The following OSBPL2 variants were observed in gnomAD, a reference collection of about 807,000 sequenced individuals.
The protein encoded by OSBPL2 is oxysterol-binding protein-related protein 2.
In OSBPL2, 18 loss-of-function variants were observed where a neutral mutation model predicts 58.4. The ratio of observed to expected loss-of-function variants is 0.31; its 90% CI spans 0.21 to 0.46. OSBPL2 has a LOEUF of 0.46. OSBPL2 is among the 20% of genes least tolerant of loss of function. The pLI, the probability that OSBPL2 is intolerant of heterozygous loss-of-function variation, is 1.00. For synonymous variants in OSBPL2, 221 were observed against 234.1 expected (o/e 0.94, Z 0.51); for missense variants, 461 against 616.5 (o/e 0.75, Z 2.67).
intron 8 of OSBPL2, chr20:62,281,482 C>T (rs903650046): frequency 2.0e-6 from 1 of 501,760 alleles, no homozygotes; most frequent in African/African-American, 1.9e-5. Context: ...GCTTGAATGC[C>T]CTATTCCTGG....
rs1039053010 is a variant in OSBPL2 at position 62,269,318 on chromosome 20, G to A, written c.259-2807G>A. On this transcript the variant is annotated intron_variant, in intron 4 of 13. Coordinates refer to ENST00000313733, the MANE Select transcript of OSBPL2 (RefSeq NM_144498.4). This position sits in a 1 kb window ranked among gnomAD's most constrained non-coding sequence, Gnocchi z 4.2. Reference sequence around the variant, plus strand: ...TTTCTGATCTTTCATGGATCCAGCCGTGCGGCAGCAAAGAGCCCTGCATGT... The same window carrying A: ...TTTCTGATCTTTCATGGATCCAGCCATGCGGCAGCAAAGAGCCCTGCATGT... Among the ~76,000 whole-genome samples the A allele has an allele frequency of 6.6e-6, 1 of 152,178 alleles. No homozygotes were observed. The highest frequency in any genetic ancestry group is 1.5e-5 in the Non-Finnish European group (1 of 68,028).
At chr20:62,265,151 A>AT (rs1334125471) in intron 4 of OSBPL2, among the ~76,000 whole-genome samples, 1 of 151,948 alleles carries the variant, frequency 6.6e-6, no homozygotes, top group Admixed American at 6.6e-5. Context: ...TCTAATGGAG[A>AT]TTTTCCATTC....
chr20:62,253,904 G>A lies in OSBPL2; in HGVS notation c.-128-2153G>A, dbSNP rs779701438. On this transcript the variant is annotated intron_variant, in intron 1 of 13. Transcript: ENST00000313733. ...CCTCCCGGGTTCAAGCGATTCACCT[G>A]TCTCAGCCTCCCAAGTAGCTGGGAT... 8.9e-4 allele frequency among the ~76,000 whole-genome samples: 136 copies of A among 152,106 alleles called. 1 individual carries two copies. The highest frequency in any genetic ancestry group is 1.4e-3 in the Non-Finnish European group (94 of 68,026).
At chr20:62,257,102 G>A (rs539491367) in intron 2 of OSBPL2, among the ~76,000 whole-genome samples, 22 of 152,330 alleles carry the variant, frequency 1.4e-4, no homozygotes, top group African/African-American at 3.6e-4. Context: ...GCACTTCTGC[G>A]GTTACTGCCG....
At chr20:62,249,066 C>T (rs1980348472) in intron 1 of OSBPL2, among the ~76,000 whole-genome samples, 1 of 152,096 alleles carries the variant, frequency 6.6e-6, no homozygotes, top group South Asian at 2.1e-4. Context: ...AGTGGTAGGA[C>T]ATTTTGAGAT....
At chr20:62,281,933 TAGA>T in intron 9 of OSBPL2, 54 bp downstream of exon 9, 1 of 1,237,162 alleles carries the variant, frequency 8.1e-7, no homozygotes, top group Non-Finnish European at 1.2e-6. Context: ...GTGTCCACGT[TAGA>T]AGGGCTCAGG....
intron 1 of OSBPL2, among the ~76,000 whole-genome samples, chr20:62,251,248 G>A (rs927760869): frequency 4.0e-5 from 6 of 151,124 alleles, no homozygotes; most frequent in Non-Finnish European, 7.4e-5. Flanking sequence ...TAGAGACAGG[G>A]TTTCACTGTG....
intron 1 of OSBPL2, among the ~76,000 whole-genome samples, chr20:62,243,822 AT>A (rs898875327): frequency 2.7e-5 from 4 of 148,152 alleles, no homozygotes; most frequent in Non-Finnish European, 5.9e-5. Flanking sequence ...TGAACGAAAA[AT>A]TTTTTTTCCT....
intron 1 of OSBPL2, among the ~76,000 whole-genome samples, chr20:62,245,570 C>T (rs1381881240): frequency 1.3e-5 from 2 of 152,206 alleles, no homozygotes; most frequent in Non-Finnish European, 2.9e-5. Context: ...CTCAGAAGGG[C>T]TGTCTCCTGG....
chr20:62,277,740 C>T (rs1169638600), intron 6 of OSBPL2, among the ~76,000 whole-genome samples: 2 of 152,132 alleles, frequency 1.3e-5, no homozygotes, highest in Non-Finnish European at 2.9e-5. Context: ...AATTCTGATT[C>T]CAGTTAAGTT....
intron 2 of OSBPL2, among the ~76,000 whole-genome samples, chr20:62,258,193 A>T (rs1981059759): frequency 6.6e-6 from 1 of 152,182 alleles, no homozygotes; most frequent in African/African-American, 2.4e-5. Flanking sequence ...GAAGGGACAG[A>T]CATCTAGGTG....
intron 1 of OSBPL2, among the ~76,000 whole-genome samples, chr20:62,251,554 A>G (rs1031207429): frequency 2.0e-5 from 3 of 151,884 alleles, no homozygotes. Flanking sequence ...TATTACAGGC[A>G]TGCGCCACCA....
At chr20:62,280,384 A>G (rs903334812) in intron 7 of OSBPL2, among the ~76,000 whole-genome samples, 1 of 152,200 alleles carries the variant, frequency 6.6e-6, no homozygotes, top group African/African-American at 2.4e-5. Flanking sequence ...AGAAATGAGA[A>G]GTTGCACACC....
rs1387575888 is a variant in OSBPL2 at position 62,281,850 on chromosome 20, C to T, written c.843C>T (p.His281=). ...GTGGATTATTTGGAAAAGAACTTCACAAGGTGGAAGGACACATTCAAGACA... is the reference window on the plus strand; with the variant it reads ...GTGGATTATTTGGAAAAGAACTTCATAAGGTGGAAGGACACATTCAAGACA... ...KPCGLFGKEL[H]KVEGHIQDKN... The change falls in exon 9 of 14, where the codon CAC becomes CAT. Residue 281 remains histidine, a synonymous_variant. Coordinates refer to ENST00000313733, the MANE Select transcript of OSBPL2 (RefSeq NM_144498.4). The T allele has an allele frequency of 2.5e-6, 4 of 1,612,346 alleles. No homozygotes were observed.
intron 11 of OSBPL2, 106 bp downstream of exon 11, chr20:62,286,817 C>A: frequency 7.5e-7 from 1 of 1,333,868 alleles, no homozygotes; most frequent in Non-Finnish European, 1.0e-6. Context: ...CCTGCCGCCT[C>A]GCCTCAGCCT....
At chr20:62,253,405 C>A (rs1980699097) in intron 1 of OSBPL2, among the ~76,000 whole-genome samples, 2 of 152,218 alleles carry the variant, frequency 1.3e-5, no homozygotes, top group African/African-American at 4.8e-5. Context: ...TGAATGTATT[C>A]ACCGTGTTTC....
chr20:62,273,182 A>G (rs1441006850), intron 5 of OSBPL2, 127 bp from the exon 6 acceptor site: 2 of 751,528 alleles, frequency 2.7e-6, no homozygotes, highest in Non-Finnish European at 4.6e-6. Flanking sequence ...GCTCGGGGAA[A>G]ACTGAAAACG....
chr20:62,253,148 T>C (rs1980681233), intron 1 of OSBPL2, among the ~76,000 whole-genome samples: 1 of 152,266 alleles, frequency 6.6e-6, no homozygotes, highest in Admixed American at 6.5e-5. Context: ...CCTGGATGTG[T>C]GAATTCTCCA....
chr20:62,264,100 A>C (rs1981512426), intron 4 of OSBPL2, among the ~76,000 whole-genome samples: 1 of 151,612 alleles, frequency 6.6e-6, no homozygotes, highest in Admixed American at 6.6e-5. Context: ...ATGCACTCTC[A>C]TGTTTATAAA....
Sources: gnomAD v4.1 joint callset for allele counts (sites outside exome capture counted in the v4.1 genomes callset) on GRCh38, gnomAD v4.1.1 for gene constraint, Gnocchi (gnomAD v3.1) non-coding constraint, MANE v1.5 for transcripts, NCBI Gene and HGNC (gene_info 2026-07-23, HGNC 2026-07-21) for gene names.